Variants in TMEM114 observed in about 807,000 individuals in gnomAD.
TMEM114 encodes the protein transmembrane protein 114, also known as claudin-26.
TMEM114 carries 6 observed loss-of-function variants against 6.2 expected under a neutral mutation model. The ratio of observed to expected loss-of-function variants is 0.97; its 90% CI spans 0.53 to 1.91. The LOEUF (loss-of-function observed/expected upper bound fraction) is 1.91, where lower values mean the gene tolerates loss of function less well. Among genes scored for constraint, TMEM114 ranks in the 40% most tolerant of loss-of-function variants. TMEM114 has a pLI of 0.01. For missense variants in TMEM114, 218 were observed against 158.3 expected, an observed-to-expected ratio of 1.38 and a Z score of -2.02; for synonymous variants, 104 against 73.0, an observed-to-expected ratio of 1.42 and a Z score of -2.16.
chr16:8,558,068 A>C (rs1901072018), intron 2 of TMEM114, among the ~76,000 whole-genome samples: 2 of 152,094 alleles, frequency 1.3e-5, no homozygotes, highest in South Asian at 4.2e-4. Flanking sequence ...AGCTTGACCA[A>C]CATGGTGAAA....
downstream of TMEM114, chr16:8,569,391 C>T (rs1451718794): frequency 4.0e-6 from 4 of 1,000,870 alleles, no homozygotes; most frequent in Non-Finnish European, 3.6e-6. Flanking sequence ...GGAGGTAGGG[C>T]ACCCTCTCCC....
At chr16:8,570,161 G>A (rs62018862) in intron 3 of TMEM114, among the ~76,000 whole-genome samples, 156 bp from the exon 4 acceptor site, 13,754 of 152,134 alleles carry the variant, frequency 0.09, 762 homozygotes, top group Middle Eastern at 0.19. Context: ...CCCGCTGGGT[G>A]CATTCACCCC....
At chr16:8,535,006 A>C (rs1200466080), downstream of TMEM114, among the ~76,000 whole-genome samples, 1 of 152,104 alleles carries the variant, frequency 6.6e-6, no homozygotes, top group African/African-American at 2.4e-5. Flanking sequence ...CTTTCTCCTA[A>C]CGTCAAGACT....
At chr16:8,554,882 G>A (rs1331633115) in intron 2 of TMEM114, among the ~76,000 whole-genome samples, 2 of 152,302 alleles carry the variant, frequency 1.3e-5, no homozygotes, top group Middle Eastern at 6.8e-3. Flanking sequence ...TAAGCAGTTT[G>A]TCCTTCGTAC....
chr16:8,567,760 C>T (rs11077319), downstream of TMEM114, among the ~76,000 whole-genome samples: 136,798 of 152,218 alleles, frequency 0.9, 61,636 homozygotes, highest in African/African-American at 0.95. Context: ...AAACGTGTCT[C>T]TTGACGAATT....
At chr16:8,530,897 C>T in the TMEM114 span, among the ~76,000 whole-genome samples, 2 of 151,988 alleles carry the variant, frequency 1.3e-5, no homozygotes, top group African/African-American at 4.8e-5. Flanking sequence ...TGGTGGCATA[C>T]GCATATAATC....
intron 2 of TMEM114, among the ~76,000 whole-genome samples, chr16:8,573,052 T>G (rs1323772998): frequency 6.6e-6 from 1 of 152,208 alleles, no homozygotes; most frequent in Non-Finnish European, 1.5e-5. Context: ...AGGAGCCTCA[T>G]GCAAGCTTTC....
At chr16:8,562,526 T>TGAGTTAGTGAGTGAATGAGTGAGTGAGTG (rs1465142445) in intron 2 of TMEM114, among the ~76,000 whole-genome samples, 1 of 127,142 alleles carries the variant, frequency 7.9e-6, no homozygotes, top group South Asian at 2.5e-4. Context: ...ATGAGTGAGT[T>TGAGTTAGTGAGTGAATGAGTGAGTGAGTG]AATGAGTGAG....
At position 8,569,727 on chromosome 16, in the gene TMEM114, T is replaced by C; in HGVS notation, c.*46A>G. Reference sequence around the variant, plus strand: ...GCCGATGGAGATCGGTCGGTGAAGCTCCGGGGCCAAGCCCCTCCCTCCCCT... The same window carrying C: ...GCCGATGGAGATCGGTCGGTGAAGCCCCGGGGCCAAGCCCCTCCCTCCCCT... On this transcript the variant is annotated 3_prime_UTR_variant, in exon 4 of 4. Coordinates refer to ENST00000620492, the MANE Select transcript of TMEM114 (RefSeq NM_001146336.2). 4 of 1,512,070 alleles carry C rather than the reference T, an allele frequency of 2.6e-6. No homozygotes were observed. Among genetic ancestry groups the C allele is most frequent in the Non-Finnish European group, 3.6e-6 (4 of 1,124,664 alleles). 93.7% of individuals were successfully genotyped at this position (1,512,070 alleles called of 1,614,324 possible). A position where few individuals can be genotyped will look rare whatever the true frequency, so the allele number is the denominator to read the frequency against.
chr16:8,563,961 ATG>A (rs1175061763), intron 2 of TMEM114, among the ~76,000 whole-genome samples: 1 of 125,114 alleles, frequency 8.0e-6, no homozygotes, highest in African/African-American at 3.1e-5. Context: ...GAGTGAGTGA[ATG>A]AGTGAATGAG....
chr16:8,572,037 G>A, intron 3 of TMEM114, 50 bp downstream of exon 3: 1 of 1,477,774 alleles, frequency 6.8e-7, no homozygotes, highest in Non-Finnish European at 9.0e-7. Context: ...AGTACCCATT[G>A]CCCAACCCCC....
downstream of TMEM114, among the ~76,000 whole-genome samples, chr16:8,537,101 G>C (rs950749018): frequency 6.6e-6 from 1 of 152,126 alleles, no homozygotes; most frequent in Admixed American, 6.5e-5. Flanking sequence ...AGCTTCTTGG[G>C]AGGCTGAGGC....
At chr16:8,560,724 G>T (rs1490474298) in intron 2 of TMEM114, among the ~76,000 whole-genome samples, 4 of 152,270 alleles carry the variant, frequency 2.6e-5, no homozygotes, top group African/African-American at 9.6e-5. Flanking sequence ...TGCTTGGCAA[G>T]TTTCCAGGGG....
chr16:8,566,000 G>A (rs181093467), downstream of TMEM114, among the ~76,000 whole-genome samples: 3 of 152,302 alleles, frequency 2.0e-5, no homozygotes, highest in Admixed American at 6.5e-5. Flanking sequence ...GAATGGAACA[G>A]AACAGATCAG....
intron 2 of TMEM114, among the ~76,000 whole-genome samples, chr16:8,550,387 C>A (rs949198690): frequency 6.6e-6 from 1 of 152,196 alleles, no homozygotes; most frequent in Non-Finnish European, 1.5e-5. Context: ...AATCTAAAAT[C>A]TGGTCCCTCC....
intron 2 of TMEM114, among the ~76,000 whole-genome samples, chr16:8,553,172 G>A (rs1900899720): frequency 1.3e-5 from 2 of 152,214 alleles, no homozygotes; most frequent in South Asian, 4.1e-4. Flanking sequence ...CCTCTGGTCT[G>A]AGAAACACTC....
chr16:8,572,565 A>G (rs1901772969), intron 2 of TMEM114, among the ~76,000 whole-genome samples: 1 of 152,178 alleles, frequency 6.6e-6, no homozygotes, highest in South Asian at 2.1e-4. Context: ...CTGCCCAAGT[A>G]GCTGGTACTG....
chr16:8,569,124 C>A (rs1369104334), downstream of TMEM114, among the ~76,000 whole-genome samples: 1 of 152,254 alleles, frequency 6.6e-6, no homozygotes, highest in East Asian at 1.9e-4. Flanking sequence ...CCAGGGGACC[C>A]GGATGGGGAG....
At chr16:8,552,893 T>C (rs1900889795) in intron 2 of TMEM114, among the ~76,000 whole-genome samples, 1 of 152,198 alleles carries the variant, frequency 6.6e-6, no homozygotes, top group Admixed American at 6.5e-5. Flanking sequence ...GAGCTGTGAT[T>C]CTGAAGTCGT....
Sources: allele counts gnomAD v4.1 joint callset (sites outside exome capture counted in the v4.1 genomes callset), GRCh38; gene constraint gnomAD v4.1.1; transcripts MANE v1.5; gene names NCBI Gene and HGNC (gene_info 2026-07-23, HGNC 2026-07-21).